Variants in CACNA2D3 observed in about 807,000 individuals in gnomAD.
The protein encoded by CACNA2D3 is voltage-dependent calcium channel subunit alpha-2/delta-3.
CACNA2D3 carries 60 observed loss-of-function variants against 160.6 expected under a neutral mutation model. The observed-to-expected ratio is 0.37, with a 90% CI of 0.30 to 0.46. The LOEUF (loss-of-function observed/expected upper bound fraction) is 0.46. Among genes scored for constraint, CACNA2D3 ranks in the 20% least tolerant of loss-of-function variants. The probability of loss-of-function intolerance (pLI) is 1.00; values close to 1 mark genes in which losing one functional copy is unlikely to be tolerated. For synonymous variants in CACNA2D3, 558 were observed against 492.9 expected (o/e 1.13, Z -1.75); for missense variants, 1,205 against 1,365.0 (o/e 0.88, Z 1.85).
chr3:54,149,414 A>T (rs1268839207), intron 2 of CACNA2D3, among the ~76,000 whole-genome samples: 1 of 152,094 alleles, frequency 6.6e-6, no homozygotes, highest in Non-Finnish European at 1.5e-5. Context: ...CAGGAGGACC[A>T]CCTGGGAAAG....
Position 54,891,398 on chromosome 3 carries a change from A to C in CACNA2D3, c.2194A>C (p.Thr732Pro). ...GVEVAFLGTR[T>P]GLSRINLFVG... ...GGAGGTTGCCTTCCTCGGCACTCGC[A>C]CGGGCCTCTCCAGAATCAACCTGTT... The change falls in exon 25 of 38, where the codon ACG (threonine) becomes CCG (proline). Residue 732 changes from threonine to proline, a missense_variant. Physicochemically the swap from Thr to Pro is conservative, Grantham distance 38. Around this residue, in one of 3 missense-constraint regions of CACNA2D3, gnomAD observed 911 missense variants for 1,002.2 expected, o/e 0.91. Coordinates refer to ENST00000474759, the MANE Select transcript of CACNA2D3 (RefSeq NM_018398.3). The C allele has an allele frequency of 1.2e-6, 2 of 1,613,964 alleles. No individual in the cohort carries two copies. The highest frequency in any genetic ancestry group is 1.7e-4 in the Middle Eastern group (1 of 6,058).
At chr3:55,051,969 C>T (rs1233798601) in intron 35 of CACNA2D3, among the ~76,000 whole-genome samples, 2 of 152,184 alleles carry the variant, frequency 1.3e-5, no homozygotes, top group Non-Finnish European at 2.9e-5. Context: ...TCGCCTCGTG[C>T]ACGGTGCACA....
At chr3:54,544,112 T>TA (rs1487077643) in intron 5 of CACNA2D3, among the ~76,000 whole-genome samples, 2 of 152,232 alleles carry the variant, frequency 1.3e-5, no homozygotes, top group Non-Finnish European at 2.9e-5. Flanking sequence ...TATGAATTTT[T>TA]ACTGATCCCA....
At chr3:54,459,167 A>G (rs1700453348) in intron 4 of CACNA2D3, among the ~76,000 whole-genome samples, 1 of 151,998 alleles carries the variant, frequency 6.6e-6, no homozygotes, top group African/African-American at 2.4e-5. Flanking sequence ...AATCCAGTCT[A>G]TCATTGTTGG....
At chr3:54,690,136 C>T (rs769833559) in intron 11 of CACNA2D3, among the ~76,000 whole-genome samples, 4 of 152,004 alleles carry the variant, frequency 2.6e-5, no homozygotes, top group African/African-American at 4.8e-5. Flanking sequence ...GTCACTTTCT[C>T]TGTAACATCT....
At chr3:54,817,594 A>C (rs1455700257) in intron 14 of CACNA2D3, among the ~76,000 whole-genome samples, 1 of 152,258 alleles carries the variant, frequency 6.6e-6, no homozygotes, top group African/African-American at 2.4e-5. Context: ...TGGAAGACAC[A>C]GCAATTTCTG....
chr3:54,629,575 C>T (rs538146093), intron 10 of CACNA2D3, among the ~76,000 whole-genome samples: 60 of 152,298 alleles, frequency 3.9e-4, no homozygotes, highest in African/African-American at 1.3e-3. Context: ...GGGCTGTTGG[C>T]TACAGGATGT....
intron 31 of CACNA2D3, among the ~76,000 whole-genome samples, chr3:55,003,560 G>T (rs1703028296): frequency 6.6e-6 from 1 of 152,182 alleles, no homozygotes; most frequent in African/African-American, 2.4e-5. Context: ...ATGGGGTACA[G>T]ATGCTTAAAT....
chr3:55,056,581 A>T (rs1022613682), intron 35 of CACNA2D3, among the ~76,000 whole-genome samples: 8 of 152,216 alleles, frequency 5.3e-5, no homozygotes, highest in African/African-American at 1.9e-4. Context: ...ATGAATGGAT[A>T]AGGAAAATGC....
intron 11 of CACNA2D3, among the ~76,000 whole-genome samples, chr3:54,715,172 AC>A (rs1290473479): frequency 6.6e-6 from 1 of 152,144 alleles, no homozygotes; most frequent in African/African-American, 2.4e-5. Context: ...GGTTCCCACA[AC>A]CTCATCCTTG....
At chr3:54,601,054 A>G (rs769240558) in intron 9 of CACNA2D3, among the ~76,000 whole-genome samples, 42 of 152,242 alleles carry the variant, frequency 2.8e-4, no homozygotes, top group African/African-American at 1.0e-3. Context: ...CCACATTTCC[A>G]TTGTTAGACA....
chr3:54,770,900 T>A (rs571765698), intron 13 of CACNA2D3, among the ~76,000 whole-genome samples: 2 of 152,184 alleles, frequency 1.3e-5, no homozygotes, highest in Non-Finnish European at 2.9e-5. Flanking sequence ...TAAAGAAAGT[T>A]GCTAAAAAAT....
intron 14 of CACNA2D3, among the ~76,000 whole-genome samples, chr3:54,832,011 T>TCATACACACAGCACACACACACACACACA (rs373556430): frequency 6.7e-4 from 80 of 118,952 alleles, no homozygotes; most frequent in African/African-American, 2.5e-3. Context: ...CTCTTCTCTG[T>TCATACACACAGCACACACACACACACACA]CACACACACA....
At chr3:54,854,740 T>C (rs1344254129) in intron 17 of CACNA2D3, among the ~76,000 whole-genome samples, 1 of 152,138 alleles carries the variant, frequency 6.6e-6, no homozygotes, top group Non-Finnish European at 1.5e-5. Context: ...AGATTCTCTA[T>C]ATATAATGAT....
chr3:54,760,565 T>C (rs1271185441), intron 12 of CACNA2D3, among the ~76,000 whole-genome samples: 1 of 152,098 alleles, frequency 6.6e-6, no homozygotes, highest in Non-Finnish European at 1.5e-5. Flanking sequence ...TCTTAGACAA[T>C]CTCTGATGGC....
At chr3:54,566,212 G>A (rs1253215416) in intron 6 of CACNA2D3, among the ~76,000 whole-genome samples, 2 of 152,140 alleles carry the variant, frequency 1.3e-5, no homozygotes, top group Non-Finnish European at 1.5e-5. Flanking sequence ...TGTTCTCATT[G>A]ATCCCTCTCC....
intron 2 of CACNA2D3, among the ~76,000 whole-genome samples, chr3:54,203,315 AG>A (rs1416714718): frequency 2.0e-5 from 3 of 152,056 alleles, no homozygotes; most frequent in Non-Finnish European, 4.4e-5. Flanking sequence ...TCAAACCTCT[AG>A]GGGAGCATAC....
At chr3:54,185,237 G>T (rs941117278) in intron 2 of CACNA2D3, among the ~76,000 whole-genome samples, 2 of 152,092 alleles carry the variant, frequency 1.3e-5, no homozygotes, top group African/African-American at 4.8e-5. Context: ...TGACACATAA[G>T]CTCTTTAGGG....
intron 11 of CACNA2D3, among the ~76,000 whole-genome samples, chr3:54,741,491 A>G (rs912635209): frequency 5.9e-5 from 9 of 152,116 alleles, no homozygotes; most frequent in Admixed American, 2.0e-4. Flanking sequence ...AGGTGGCTCA[A>G]CGCCACCCTG....
Sources: gnomAD v4.1 joint callset for allele counts (sites outside exome capture counted in the v4.1 genomes callset) on GRCh38, gnomAD v4.1.1 for gene constraint, gnomAD v4.1.1 regional missense constraint, MANE v1.5 for transcripts, NCBI Gene and HGNC (gene_info 2026-07-23, HGNC 2026-07-21) for gene names.